The following CLDN14 variants were observed in gnomAD, a reference collection of about 807,000 sequenced individuals.
CLDN14 encodes the protein claudin-14.
CLDN14 carries 2 observed loss-of-function variants against 2.1 expected under a neutral mutation model. That is an observed-to-expected ratio of 0.96 (90% CI 0.39 to 3.01). The LOEUF is 3.01. Ranked by LOEUF, CLDN14 falls within the 30% of genes most tolerant of loss-of-function variation. CLDN14 has a pLI of 0.09. For missense variants in CLDN14, 298 were observed against 328.0 expected (o/e 0.91, Z 0.71); for synonymous variants, 136 against 154.4 (o/e 0.88, Z 0.88).
In CLDN14 at chr21:36,558,761, G is replaced by GT. The variant is rs1202996952; in HGVS notation, c.-220+17649_-220+17650insA. Among the ~76,000 whole-genome samples, 16 of 109,370 alleles carry GT rather than the reference G, an allele frequency of 1.5e-4. No individual in the cohort carries two copies. The East Asian group carries it at 1.5e-3, about 10-fold the overall frequency. 71.8% of individuals were successfully genotyped at this position (109,370 alleles called of 152,430 possible). ...TCATTTATTACTTCTAACAAGGTGG[G>GT]GTTTTTTTTTTGTGGAATTGTGAGG... On this transcript the variant is annotated intron_variant, in intron 1 of 2. Coordinates refer to the CLDN14 transcript ENST00000342108.
rs535811662 is a variant in CLDN14, at chr21:36,494,790, C to T, written c.-82+15573G>A. On this transcript the variant is annotated intron_variant, in intron 2 of 2. Transcript: ENST00000342108. Reference sequence around the variant, plus strand: ...TGCCTTGATCTCGGACTTCCAGCCTCCAGAACTGTGAGACAATAAATGCCT... The same window carrying T: ...TGCCTTGATCTCGGACTTCCAGCCTTCAGAACTGTGAGACAATAAATGCCT... Among the ~76,000 whole-genome samples the T allele has an allele frequency of 1.6e-4, 24 of 152,344 alleles. 1 individual carries two copies. The South Asian group carries it at 5.0e-3, about 32-fold the overall frequency.
At chr21:36,534,847 T>G (rs1341056575) in intron 1 of CLDN14, among the ~76,000 whole-genome samples, 1 of 151,982 alleles carries the variant, frequency 6.6e-6, no homozygotes. Context: ...AAATATTGAG[T>G]GGGTTGCATC....
chr21:36,489,131 A>AAAAAAAAAAATATATATATAT, intron 2 of CLDN14, among the ~76,000 whole-genome samples: 3 of 62,738 alleles, frequency 4.8e-5, no homozygotes, highest in Non-Finnish European at 8.9e-5. Flanking sequence ...AAAAAAAAAA[A>AAAAAAAAAAATATATATATAT]ATATATATAT....
intron 1 of CLDN14, among the ~76,000 whole-genome samples, chr21:36,514,976 G>A (rs2087216288): frequency 1.3e-5 from 2 of 152,086 alleles, no homozygotes; most frequent in African/African-American, 2.4e-5. Flanking sequence ...GGCCATAAAT[G>A]CTCAACTCAA....
At chr21:36,494,271 A>G (rs2086995351) in intron 2 of CLDN14, among the ~76,000 whole-genome samples, 1 of 152,216 alleles carries the variant, frequency 6.6e-6, no homozygotes, top group Non-Finnish European at 1.5e-5. Flanking sequence ...AGTGGTATCT[A>G]CAAACAAATA....
intron 1 of CLDN14, among the ~76,000 whole-genome samples, chr21:36,528,995 C>G (rs1029128339): frequency 3.9e-5 from 6 of 152,166 alleles, no homozygotes; most frequent in Non-Finnish European, 7.3e-5. Context: ...GAGACTACCC[C>G]CTTAGTAACT....
chr21:36,570,795 G>C (rs918120257), intron 1 of CLDN14, among the ~76,000 whole-genome samples: 6 of 151,678 alleles, frequency 4.0e-5, no homozygotes, highest in African/African-American at 1.2e-4. Context: ...ACAGGAGGAT[G>C]CTGTAAGAAG....
chr21:36,510,490 C>T (rs942268451), exon 2 of CLDN14: 6 of 152,294 alleles, frequency 3.9e-5, no homozygotes, highest in Non-Finnish European at 8.8e-5. Context: ...GATCTCTGGG[C>T]CTTGCAGCCC....
chr21:36,512,740 C>T (rs151154886), intron 1 of CLDN14, among the ~76,000 whole-genome samples: 107 of 152,220 alleles, frequency 7.0e-4, no homozygotes, highest in African/African-American at 2.1e-3. Flanking sequence ...TGTATGCACA[C>T]GGCTGAAGGG....
intron 2 of CLDN14, among the ~76,000 whole-genome samples, chr21:36,490,385 A>ATTTT (rs71198817): frequency 0.028 from 2,807 of 102,026 alleles, 57 homozygotes; most frequent in Admixed American, 0.038. Context: ...TTTTTTTTTA[A>ATTTT]TTTTTTTTTT....
intron 2 of CLDN14, chr21:36,487,273 G>T: frequency 4.6e-6 from 1 of 216,582 alleles, no homozygotes; most frequent in Non-Finnish European, 9.3e-6. Context: ...GTGAACCACT[G>T]CGCCCGGCCT....
At position 36,542,261 on chromosome 21, in the gene CLDN14, C is replaced by A. The variant is rs1454324460; in HGVS notation, c.-219-31761G>T. 2.0e-5 allele frequency among the ~76,000 whole-genome samples: 3 copies of A among 152,218 alleles called. No individual in the cohort carries two copies. In the East Asian group the frequency reaches 5.8e-4, roughly 29 times the overall value. On this transcript the variant is annotated intron_variant, in intron 1 of 2. Transcript: ENST00000342108. Reference sequence around the variant, plus strand: ...TACAGGCGTGAGCCACCGCTCCTGGCCGGCAATAGACTTTCTAAAACATTT... The same window carrying A: ...TACAGGCGTGAGCCACCGCTCCTGGACGGCAATAGACTTTCTAAAACATTT...
At chr21:36,481,088 C>T (rs1320861368), upstream of CLDN14, 1 of 152,154 alleles carries the variant, frequency 6.6e-6, no homozygotes, top group Non-Finnish European at 1.5e-5. Flanking sequence ...CAGTCACAAA[C>T]AAAAACAACT....
chr21:36,471,796 A>G (rs549751032), intron 1 of CLDN14, among the ~76,000 whole-genome samples: 12 of 152,278 alleles, frequency 7.9e-5, no homozygotes, highest in South Asian at 6.2e-4. Flanking sequence ...GCCTCTGAAA[A>G]TTATTTACTT....
intron 2 of CLDN14, chr21:36,486,227 C>A: frequency 2.3e-6 from 2 of 880,226 alleles, no homozygotes; most frequent in South Asian, 1.3e-5. Context: ...AAACTCTGCT[C>A]CTGCAGGGAC....
At chr21:36,484,135 T>A (rs1200624470), upstream of CLDN14, among the ~76,000 whole-genome samples, 1 of 151,970 alleles carries the variant, frequency 6.6e-6, no homozygotes, top group Middle Eastern at 3.2e-3. Flanking sequence ...CTTGGGGCCG[T>A]TTTCAAAAAA....
intron 1 of CLDN14, among the ~76,000 whole-genome samples, chr21:36,547,731 G>A (rs913490356): frequency 1.3e-5 from 2 of 152,184 alleles, no homozygotes; most frequent in African/African-American, 4.8e-5. Context: ...GCTGGGAGCC[G>A]CCTGCAGCCT....
At chr21:36,492,403 C>T (rs1350950560) in intron 2 of CLDN14, among the ~76,000 whole-genome samples, 21 of 101,762 alleles carry the variant, frequency 2.1e-4, no homozygotes, top group Non-Finnish European at 2.9e-4. Context: ...CACTGCAGTC[C>T]GCAGTCCGGC....
At chr21:36,557,459 T>TA (rs879424414) in intron 1 of CLDN14, among the ~76,000 whole-genome samples, 17 of 149,986 alleles carry the variant, frequency 1.1e-4, no homozygotes, top group South Asian at 4.3e-4. Flanking sequence ...ACTCTTATCT[T>TA]AAAAAAAAAA....
Sources: allele counts gnomAD v4.1 joint callset (sites outside exome capture counted in the v4.1 genomes callset), GRCh38; gene constraint gnomAD v4.1.1; transcripts MANE v1.5; gene names NCBI Gene and HGNC (gene_info 2026-07-23, HGNC 2026-07-21).